The following SDK2 variants were observed in gnomAD, a reference collection of about 807,000 sequenced individuals.
The protein encoded by SDK2 is sidekick cell adhesion molecule 2, also known as protein sidekick-2.
In SDK2, 105 loss-of-function variants were observed where a neutral mutation model predicts 253.9. The ratio of observed to expected loss-of-function variants is 0.41; its 90% CI spans 0.35 to 0.49. The LOEUF (loss-of-function observed/expected upper bound fraction) is 0.49. Ranked by LOEUF, SDK2 falls within the 20% of genes least tolerant of loss-of-function variation. The pLI, the probability that SDK2 is intolerant of heterozygous loss-of-function variation, is 0.06. For missense variants in SDK2, 2,608 were observed against 3,003.0 expected (o/e 0.87, Z 3.07); for synonymous variants, 1,249 against 1,234.9 (o/e 1.01, Z -0.24).
At chr17:73,550,602 C>T (rs1325923107) in intron 1 of SDK2, among the ~76,000 whole-genome samples, 2 of 152,150 alleles carry the variant, frequency 1.3e-5, no homozygotes, top group Admixed American at 1.3e-4. Flanking sequence ...CACCCCTACC[C>T]TGCAGCTTCC....
intron 1 of SDK2, among the ~76,000 whole-genome samples, chr17:73,620,462 T>A (rs1206602225): frequency 2.0e-5 from 3 of 152,212 alleles, no homozygotes; most frequent in Non-Finnish European, 4.4e-5. Flanking sequence ...TGGAAAATAG[T>A]TTGTTCGTTC....
At chr17:73,407,737 A>G (rs1259799114) in intron 18 of SDK2, among the ~76,000 whole-genome samples, 1 of 152,186 alleles carries the variant, frequency 6.6e-6, no homozygotes, top group Non-Finnish European at 1.5e-5. Flanking sequence ...ATGCCCGGCC[A>G]GAACCAATTC....
chr17:73,405,877 G>A (rs1350832930), intron 18 of SDK2, among the ~76,000 whole-genome samples: 2 of 150,234 alleles, frequency 1.3e-5, no homozygotes, highest in African/African-American at 5.0e-5. Context: ...CTGCCACCAC[G>A]CCCGGCTAAT....
chr17:73,569,510 G>C (rs2045353987), intron 1 of SDK2, among the ~76,000 whole-genome samples: 1 of 150,830 alleles, frequency 6.6e-6, no homozygotes, highest in Non-Finnish European at 1.5e-5. Context: ...ATGTTATTTT[G>C]TATTCGTGCC....
intron 1 of SDK2, among the ~76,000 whole-genome samples, chr17:73,576,842 G>A (rs1342391316): frequency 6.6e-6 from 1 of 152,156 alleles, no homozygotes; most frequent in African/African-American, 2.4e-5. Flanking sequence ...GGCAACCCCA[G>A]GGTACCACTA....
chr17:73,434,124 T>C (rs1015217581), intron 9 of SDK2, among the ~76,000 whole-genome samples: 1 of 152,194 alleles, frequency 6.6e-6, no homozygotes, highest in Non-Finnish European at 1.5e-5. Flanking sequence ...GGCCTGCATT[T>C]GGGGGAAACT....
At chr17:73,364,569 T>C (rs1427097306) in intron 38 of SDK2, among the ~76,000 whole-genome samples, 1 of 152,126 alleles carries the variant, frequency 6.6e-6, no homozygotes, top group East Asian at 1.9e-4. Flanking sequence ...CTGAGAACCC[T>C]AAGGTTTGGG....
intron 37 of SDK2, 149 bp from the exon 38 acceptor site, chr17:73,365,544 T>G (rs1599487879): frequency 1.5e-6 from 1 of 683,454 alleles, no homozygotes. Context: ...GCAGGAGGGG[T>G]CACTGGAGGC....
At position 73,352,716 on chromosome 17, in the gene SDK2, C is replaced by G. The variant is rs1042241580; in HGVS notation, c.5594-79G>C. 6.9e-7 allele frequency: 1 copy of G among 1,457,994 alleles called. No individual in the cohort carries two copies. The highest frequency in any genetic ancestry group is 9.5e-7 in the Non-Finnish European group (1 of 1,055,962). The allele number at this position is 1,457,994 out of a possible 1,614,324, so 90.3% of individuals were successfully genotyped here. On this transcript the variant is annotated intron_variant, in intron 40 of 44. Coordinates refer to ENST00000392650, the MANE Select transcript of SDK2 (RefSeq NM_001144952.2). This position sits in a 1 kb window ranked among gnomAD's most constrained non-coding sequence, Gnocchi z 4.1. The stretch of plus-strand genomic sequence containing the variant: ...CGCTCCCAGCCCCGTTCTGACTATG[C>G]TCCCTGAGGGCTGGGCCTGTTGGAT...
rs79003307 is a variant in SDK2, at chr17:73,454,527, C to T, written c.479+1379G>A. The stretch of plus-strand genomic sequence containing the variant: ...GTTGTGAGGGTCATTCATTCAACAA[C>T]GCCTCCTTTCTGCAGGTGCTCTGCG... On this transcript the variant is annotated intron_variant, in intron 4 of 44. Coordinates refer to ENST00000392650, the MANE Select transcript of SDK2 (RefSeq NM_001144952.2). Among the ~76,000 whole-genome samples the T allele has an allele frequency of 4.7e-3, 710 of 152,288 alleles. 5 individuals carry two copies. The highest frequency in any genetic ancestry group is 0.016 in the African/African-American group (655 of 41,568).
chr17:73,472,187 C>T lies in SDK2; in HGVS notation c.256G>A (p.Ala86Thr), dbSNP rs371920674. ...YMITSLDRTH[A>T]GFYRCIVRNR... The stretch of plus-strand genomic sequence containing the variant: ...CGCACGATGCAACGGTAAAAGCCAG[C>T]GTGGGTGCGGTCCAGGCTGGTGATC... The change falls in exon 3 of 45, where the codon GCT becomes ACT. Residue 86 changes from alanine to threonine, a missense_variant. Physicochemically the swap from Ala to Thr is moderately conservative, Grantham distance 58. Transcript: ENST00000392650. 2.3e-5 allele frequency: 35 copies of T among 1,551,520 alleles called. No homozygotes were observed. Among genetic ancestry groups the T allele is most frequent in the South Asian group, 1.8e-4 (15 of 84,054 alleles).
At chr17:73,606,861 C>T (rs958235555) in intron 1 of SDK2, among the ~76,000 whole-genome samples, 3 of 152,040 alleles carry the variant, frequency 2.0e-5, no homozygotes, top group Non-Finnish European at 4.4e-5. Context: ...GCAGATCAGG[C>T]GGAGGGAAAG....
chr17:73,367,899 A>G (rs1387428639), intron 37 of SDK2, among the ~76,000 whole-genome samples: 1 of 152,106 alleles, frequency 6.6e-6, no homozygotes, highest in Non-Finnish European at 1.5e-5. Flanking sequence ...CCTCACTCTT[A>G]GGTCACCTGT....
chr17:73,601,705 G>A (rs1254075044), intron 1 of SDK2, among the ~76,000 whole-genome samples: 1 of 151,968 alleles, frequency 6.6e-6, no homozygotes, highest in East Asian at 1.9e-4. Context: ...CAACCCTGCC[G>A]ACGACACCTT....
intron 19 of SDK2, 37 bp downstream of exon 19, chr17:73,401,907 CGG>C (rs367964387): frequency 7.1e-7 from 1 of 1,414,158 alleles, no homozygotes; most frequent in Non-Finnish European, 9.7e-7. Context: ...TGGCCTTGGG[CGG>C]GGGGGGGCAG....
rs1289404541 is a variant in SDK2, at chr17:73,472,002, G to A, written c.331+110C>T. The A allele has an allele frequency of 1.2e-5, 9 of 775,112 alleles. No homozygotes were observed. In the South Asian group the frequency reaches 1.3e-4, roughly 11 times the overall value. 48.0% of individuals were successfully genotyped at this position (775,112 alleles called of 1,614,324 possible). Reference sequence around the variant, plus strand: ...CTGGAAGGGGCACCATGGGCACTCAGTGGGTGTTGATGGCCATGACGGGAT... The same window carrying A: ...CTGGAAGGGGCACCATGGGCACTCAATGGGTGTTGATGGCCATGACGGGAT... On this transcript the variant is annotated intron_variant, in intron 3 of 44. Coordinates refer to ENST00000392650, the MANE Select transcript of SDK2 (RefSeq NM_001144952.2).
At position 73,629,418 on chromosome 17, in the gene SDK2, G is replaced by A. The variant is rs1309638842; in HGVS notation, c.64+14607C>T. Among the ~76,000 whole-genome samples, 1 of 152,210 alleles carries A rather than the reference G, an allele frequency of 6.6e-6. No homozygotes were observed. The highest frequency in any genetic ancestry group is 6.5e-5 in the Admixed American group (1 of 15,286). On this transcript the variant is annotated intron_variant, in intron 1 of 44. Coordinates refer to ENST00000392650, the MANE Select transcript of SDK2 (RefSeq NM_001144952.2). The surrounding 1 kb of genome is among the most constrained non-coding windows in gnomAD (Gnocchi z 5.0). Reference sequence around the variant, plus strand: ...GCTGCCCAGGAATGCAAGTGACCCTGAGTGTAAGCACCTGAGGGCAGAAGC... The same window carrying A: ...GCTGCCCAGGAATGCAAGTGACCCTAAGTGTAAGCACCTGAGGGCAGAAGC...
intron 33 of SDK2, among the ~76,000 whole-genome samples, chr17:73,382,204 T>G (rs2062836684): frequency 7.5e-6 from 1 of 133,392 alleles, no homozygotes; most frequent in African/African-American, 2.7e-5. Flanking sequence ...GCAACAAGAG[T>G]GAAAACTCCA....
chr17:73,374,956 G>A (rs1335966026), intron 36 of SDK2, among the ~76,000 whole-genome samples: 5 of 152,136 alleles, frequency 3.3e-5, no homozygotes, highest in Admixed American at 3.3e-4. Context: ...ACCCTCTGAA[G>A]GTCCCAGTCC....
Sources: gnomAD v4.1 joint callset for allele counts (sites outside exome capture counted in the v4.1 genomes callset) on GRCh38, gnomAD v4.1.1 for gene constraint, Gnocchi (gnomAD v3.1) non-coding constraint, MANE v1.5 for transcripts, NCBI Gene and HGNC (gene_info 2026-07-23, HGNC 2026-07-21) for gene names.